PCDH11Y: variants seen among roughly 807,000 people sequenced by gnomAD.
The protein encoded by PCDH11Y is protocadherin-11 Y-linked.
For synonymous variants in PCDH11Y, 9 were observed against 83.6 expected, an observed-to-expected ratio of 0.11 and a Z score of 4.87; for missense variants, 12 against 224.8, an observed-to-expected ratio of 0.05 and a Z score of 6.05.
intron 4 of PCDH11Y, among the ~76,000 whole-genome samples, chrY:5,585,671 T>G: frequency 3.1e-5 from 1 of 32,087 alleles, no homozygotes; most frequent in Non-Finnish European, 7.7e-5. Context: ...GTATCCGGAA[T>G]GATACTGCCT....
intron 2 of PCDH11Y, among the ~76,000 whole-genome samples, chrY:5,205,058 C>T (rs2052930038): frequency 1.7e-3 from 57 of 33,018 alleles, no homozygotes; most frequent in Non-Finnish European, 3.7e-3. Flanking sequence ...GGCTGGAGTG[C>T]AGTGGCATGA....
chrY:5,671,177 T>A (rs1602958260), intron 4 of PCDH11Y, among the ~76,000 whole-genome samples: 1 of 32,236 alleles, frequency 3.1e-5, no homozygotes, highest in African/African-American at 1.2e-4. Flanking sequence ...TATAGCAGTG[T>A]AGTATAATTT....
intron 2 of PCDH11Y, among the ~76,000 whole-genome samples, chrY:5,155,123 T>C (rs776160739): frequency 0.01 from 321 of 31,651 alleles, no homozygotes; most frequent in Non-Finnish European, 0.023. Context: ...AACTTCTAGA[T>C]AAAAAGAAAC....
intron 2 of PCDH11Y, among the ~76,000 whole-genome samples, chrY:5,131,011 A>G: frequency 3.2e-5 from 1 of 31,574 alleles, no homozygotes; most frequent in African/African-American, 1.2e-4. Context: ...TTCCTCAAAG[A>G]CCCAAAGACA....
intron 2 of PCDH11Y, among the ~76,000 whole-genome samples, chrY:5,485,684 G>GT (rs2053330830): frequency 3.3e-5 from 1 of 30,051 alleles, no homozygotes; most frequent in Admixed American, 3.2e-4. Flanking sequence ...TCTTTATGTT[G>GT]TTTTTATTGC....
At chrY:5,625,229 T>G in intron 4 of PCDH11Y, among the ~76,000 whole-genome samples, 1 of 31,911 alleles carries the variant, frequency 3.1e-5, no homozygotes, top group Non-Finnish European at 7.6e-5. Flanking sequence ...TTACCAGATA[T>G]GGGAACTTTT....
chrY:5,065,717 T>C, intron 1 of PCDH11Y, among the ~76,000 whole-genome samples: 3 of 32,271 alleles, frequency 9.3e-5, no homozygotes, highest in African/African-American at 3.6e-4. Flanking sequence ...TTTGTTTTGT[T>C]TTGTTTTAAG....
At chrY:5,046,921 C>T in intron 3 of PCDH11Y, among the ~76,000 whole-genome samples, 1 of 33,966 alleles carries the variant, frequency 2.9e-5, no homozygotes, top group Admixed American at 2.6e-4. Flanking sequence ...AAGGGAACTC[C>T]CTGACCCCTT....
chrY:5,107,508 C>T, downstream of PCDH11Y, among the ~76,000 whole-genome samples: 2 of 32,598 alleles, frequency 6.1e-5, no homozygotes, highest in Non-Finnish European at 7.5e-5. Flanking sequence ...ACATGGAAGG[C>T]ATTGAAACTA....
intron 3 of PCDH11Y, among the ~76,000 whole-genome samples, chrY:5,511,827 G>T (rs2053365616): frequency 3.0e-5 from 1 of 33,114 alleles, no homozygotes; most frequent in Admixed American, 2.7e-4. Flanking sequence ...GATTTTTTTT[G>T]AAATCAGAGA....
intron 2 of PCDH11Y, among the ~76,000 whole-genome samples, chrY:5,185,331 G>A (rs2052905136): frequency 9.1e-5 from 3 of 32,857 alleles, no homozygotes; most frequent in South Asian, 6.9e-4. Context: ...CACCTGCCTC[G>A]GCCTCCCAAA....
chrY:5,581,900 A>G, intron 4 of PCDH11Y, 102 bp downstream of exon 5: 1 of 245,794 alleles, frequency 4.1e-6, no homozygotes, highest in Non-Finnish European at 5.6e-6. Context: ...TGCTACTCAT[A>G]AAACATCAAC....
intron 2 of PCDH11Y, among the ~76,000 whole-genome samples, chrY:5,175,352 G>A: frequency 6.5e-5 from 2 of 30,997 alleles, no homozygotes; most frequent in Non-Finnish European, 1.6e-4. Context: ...CTTAGGTAAG[G>A]ATTTGGAAAT....
intron 2 of PCDH11Y, among the ~76,000 whole-genome samples, chrY:5,297,824 A>G (rs1238280767): frequency 1.9e-3 from 64 of 33,436 alleles, no homozygotes; most frequent in South Asian, 9.9e-3. Flanking sequence ...TTATGAAGTT[A>G]AAGCCGTGTA....
intron 2 of PCDH11Y, among the ~76,000 whole-genome samples, chrY:5,481,872 C>A: frequency 6.3e-5 from 2 of 31,873 alleles, no homozygotes; most frequent in East Asian, 1.6e-3. Flanking sequence ...ATCTATCCTG[C>A]AGATATTTCC....
At chrY:5,419,913 C>A in intron 2 of PCDH11Y, among the ~76,000 whole-genome samples, 1 of 30,559 alleles carries the variant, frequency 3.3e-5, no homozygotes, top group Admixed American at 3.1e-4. Flanking sequence ...TTGGGGGGAT[C>A]TATTCAGTTT....
At chrY:5,256,486 G>A (rs2053011362) in intron 2 of PCDH11Y, among the ~76,000 whole-genome samples, 1 of 32,747 alleles carries the variant, frequency 3.1e-5, no homozygotes, top group Non-Finnish European at 7.5e-5. Flanking sequence ...TTATTCCTCC[G>A]GTTTTATTCT....
intron 3 of PCDH11Y, among the ~76,000 whole-genome samples, chrY:5,559,673 G>A: frequency 3.1e-5 from 1 of 32,548 alleles, no homozygotes; most frequent in Non-Finnish European, 7.5e-5. Context: ...AAGTTTCCCT[G>A]CACAAGCCCT....
intron 3 of PCDH11Y, among the ~76,000 whole-genome samples, chrY:5,533,885 T>G: frequency 3.0e-4 from 10 of 33,336 alleles, no homozygotes; most frequent in Admixed American, 2.7e-4. Context: ...TTTCTTTCTC[T>G]ATTGTTAGAA....
Sources: gnomAD v4.1 joint callset for allele counts (sites outside exome capture counted in the v4.1 genomes callset) on GRCh38, gnomAD v4.1.1 for gene constraint, MANE v1.5 for transcripts, NCBI Gene and HGNC (gene_info 2026-07-23, HGNC 2026-07-21) for gene names.